PRKN: variants seen among roughly 807,000 people sequenced by gnomAD.
PRKN encodes the protein E3 ubiquitin-protein ligase parkin.
PRKN carries 56 observed loss-of-function variants against 59.5 expected under a neutral mutation model. The ratio of observed to expected loss-of-function variants is 0.94; its 90% CI spans 0.76 to 1.18. The LOEUF (loss-of-function observed/expected upper bound fraction) is 1.18. Among genes scored for constraint, PRKN ranks in the 50% most tolerant of loss-of-function variants. The pLI, the probability that PRKN is intolerant of heterozygous loss-of-function variation, is 0.00. For synonymous variants in PRKN, 250 were observed against 222.1 expected (o/e 1.13, Z -1.12); for missense variants, 657 against 596.4 (o/e 1.10, Z -1.06).
chr6:162,532,027 C>T (rs35894147), intron 1 of PRKN, among the ~76,000 whole-genome samples: 53,143 of 151,702 alleles, frequency 0.35, 11,108 homozygotes, highest in Middle Eastern at 0.51. Flanking sequence ...TTTACAACAG[C>T]ACCTAAGGCA....
chr6:162,018,279 GCCTCC>G (rs1783005284), intron 5 of PRKN, among the ~76,000 whole-genome samples: 2 of 152,116 alleles, frequency 1.3e-5, no homozygotes, highest in African/African-American at 4.8e-5. Flanking sequence ...ACCTGCCTCG[GCCTCC>G]CAAAGTGCTG....
intron 4 of PRKN, among the ~76,000 whole-genome samples, chr6:162,191,107 A>C (rs1184866387): frequency 1.3e-5 from 2 of 152,234 alleles, no homozygotes; most frequent in African/African-American, 4.8e-5. Context: ...TCCACGCAGG[A>C]AAGAAACTGA....
intron 5 of PRKN, among the ~76,000 whole-genome samples, chr6:162,031,989 C>A (rs888938480): frequency 1.3e-5 from 2 of 152,118 alleles, no homozygotes; most frequent in East Asian, 3.9e-4. Flanking sequence ...GCTGTAATTC[C>A]AAATTCAAAA....
intron 6 of PRKN, among the ~76,000 whole-genome samples, chr6:161,910,056 C>G (rs1229418253): frequency 6.6e-6 from 1 of 152,054 alleles, no homozygotes; most frequent in African/African-American, 2.4e-5. Context: ...TTGAGGGGTT[C>G]AAGTCTTCAG....
intron 7 of PRKN, among the ~76,000 whole-genome samples, chr6:161,607,630 A>G (rs1379436615): frequency 6.6e-6 from 1 of 152,200 alleles, no homozygotes; most frequent in Non-Finnish European, 1.5e-5. Flanking sequence ...GAGGAATGGG[A>G]AACAGGAGAT....
At chr6:162,332,296 T>G (rs1236099898) in intron 2 of PRKN, among the ~76,000 whole-genome samples, 2 of 152,186 alleles carry the variant, frequency 1.3e-5, no homozygotes, top group South Asian at 4.1e-4. Flanking sequence ...CAGCTTCCCC[T>G]GCAGAAAGGT....
At chr6:161,627,373 A>G (rs1029674513) in intron 7 of PRKN, among the ~76,000 whole-genome samples, 4 of 152,254 alleles carry the variant, frequency 2.6e-5, no homozygotes, top group African/African-American at 9.6e-5. Context: ...CAGAAAGAGA[A>G]CACCATGGAA....
chr6:162,292,902 T>C (rs1329806254), intron 2 of PRKN, among the ~76,000 whole-genome samples: 2 of 152,126 alleles, frequency 1.3e-5, no homozygotes. Flanking sequence ...GTAGCAGCAA[T>C]ACTGTAGGTA....
At position 162,385,726 on chromosome 6, in the gene PRKN, C is replaced by T. The variant is rs1381015092; in HGVS notation, c.171+57584G>A. On this transcript the variant is annotated intron_variant, in intron 2 of 11. Transcript: ENST00000366898. ...GGGAAAGTTTATTACCTTCATTCTG[C>T]TTGAATCCATCCCTGACTTTTTGGT... is the stretch of plus-strand genomic sequence containing the variant. Among the ~76,000 whole-genome samples the T allele has an allele frequency of 3.3e-5, 5 of 151,956 alleles. No individual in the cohort carries two copies. In the East Asian group the frequency reaches 7.8e-4, roughly 24 times the overall value.
chr6:162,319,723 T>A (rs912646098), intron 2 of PRKN, among the ~76,000 whole-genome samples: 1 of 151,934 alleles, frequency 6.6e-6, no homozygotes, highest in Non-Finnish European at 1.5e-5. Flanking sequence ...ATACTAACAT[T>A]TGCCTAATAT....
intron 6 of PRKN, among the ~76,000 whole-genome samples, chr6:161,910,896 G>A (rs1448731152): frequency 6.6e-6 from 1 of 152,124 alleles, no homozygotes; most frequent in Non-Finnish European, 1.5e-5. Context: ...GCATGTTTTA[G>A]CAATAAAGTA....
At chr6:162,643,397 C>CAAAAAAAAAAAAAA (rs59995115) in intron 1 of PRKN, among the ~76,000 whole-genome samples, 9 of 82,450 alleles carry the variant, frequency 1.1e-4, no homozygotes, top group African/African-American at 3.2e-4. Context: ...GACTCTGCCT[C>CAAAAAAAAAAAAAA]AAAAAAAAAA....
At chr6:162,024,249 G>C (rs1294861266) in intron 5 of PRKN, among the ~76,000 whole-genome samples, 1 of 122,366 alleles carries the variant, frequency 8.2e-6, no homozygotes, top group Non-Finnish European at 1.6e-5. Context: ...CCAGGCTAGA[G>C]TGCAATAGCA....
At chr6:162,556,362 T>TGTGTGTGTGTGTGCGC in intron 1 of PRKN, among the ~76,000 whole-genome samples, 1 of 86,266 alleles carries the variant, frequency 1.2e-5, no homozygotes, top group Admixed American at 1.3e-4. Flanking sequence ...TGTGTGTGTG[T>TGTGTGTGTGTGTGCGC]GTGTGTGTGT....
rs552668987 is a variant in PRKN at position 161,526,521 on chromosome 6, A to G, written c.1083+22333T>C. On this transcript the variant is annotated intron_variant, in intron 9 of 11. Transcript: ENST00000366898. The surrounding 1 kb of genome is among the most constrained non-coding windows in gnomAD (Gnocchi z 4.1). ...TCTTTCTTGTTTACATGCTATAACCATTAGAAGCTCTGCTAACATCTTAAA... is the reference window on the plus strand; with the variant it reads ...TCTTTCTTGTTTACATGCTATAACCGTTAGAAGCTCTGCTAACATCTTAAA... 6.6e-6 allele frequency among the ~76,000 whole-genome samples: 1 copy of G among 151,610 alleles called. No homozygotes were observed. The highest frequency in any genetic ancestry group is 1.9e-4 in the East Asian group (1 of 5,176).
chr6:162,518,882 C>T (rs1320885533), intron 1 of PRKN, among the ~76,000 whole-genome samples: 1 of 152,142 alleles, frequency 6.6e-6, no homozygotes, highest in Non-Finnish European at 1.5e-5. Context: ...AGTAGTTTCA[C>T]AAAGCACCAT....
intron 2 of PRKN, among the ~76,000 whole-genome samples, chr6:162,329,604 CTTTG>C (rs1047394259): frequency 6.6e-6 from 1 of 151,858 alleles, no homozygotes; most frequent in Non-Finnish European, 1.5e-5. Context: ...TGTACTGTTC[CTTTG>C]TTTATTTTTG....
intron 2 of PRKN, among the ~76,000 whole-genome samples, chr6:162,409,031 C>A (rs1042176656): frequency 6.6e-6 from 1 of 151,934 alleles, no homozygotes; most frequent in South Asian, 2.1e-4. Flanking sequence ...TCTCCAACCA[C>A]ACACAGGCTC....
intron 1 of PRKN, among the ~76,000 whole-genome samples, chr6:162,647,927 C>T (rs1778250685): frequency 2.4e-5 from 3 of 122,690 alleles, no homozygotes; most frequent in African/African-American, 6.4e-5. Flanking sequence ...GGTCCTAGAA[C>T]CATCTCTATA....
Sources: gnomAD v4.1 joint callset for allele counts (sites outside exome capture counted in the v4.1 genomes callset) on GRCh38, gnomAD v4.1.1 for gene constraint, Gnocchi (gnomAD v3.1) non-coding constraint, MANE v1.5 for transcripts, NCBI Gene and HGNC (gene_info 2026-07-23, HGNC 2026-07-21) for gene names.